The following KDM2A variants were observed in gnomAD, a reference collection of about 807,000 sequenced individuals.
The protein encoded by KDM2A is lysine demethylase 2A.
Under a neutral mutation model 137.3 loss-of-function variants are expected in KDM2A, and 3 were observed. The observed-to-expected ratio is 0.02, with a 90% CI of 0.01 to 0.06. The LOEUF (loss-of-function observed/expected upper bound fraction) is 0.06, where lower values mean the gene tolerates loss of function less well. KDM2A is among the 10% of genes least tolerant of loss of function. The pLI, the probability that KDM2A is intolerant of heterozygous loss-of-function variation, is 1.00. For missense variants in KDM2A, 738 were observed against 1,510.6 expected, an observed-to-expected ratio of 0.49 and a Z score of 8.48; for synonymous variants, 512 against 541.5, an observed-to-expected ratio of 0.95 and a Z score of 0.76.
chr11:67,235,855 C>A (rs892412628), intron 12 of KDM2A, among the ~76,000 whole-genome samples: 3 of 150,596 alleles, frequency 2.0e-5, no homozygotes, highest in Non-Finnish European at 4.4e-5. Context: ...CCTGACCTTG[C>A]GATCCACCTG....
chr11:67,127,535 CT>C (rs1428940198), intron 2 of KDM2A, among the ~76,000 whole-genome samples: 1 of 152,080 alleles, frequency 6.6e-6, no homozygotes, highest in Non-Finnish European at 1.5e-5. Context: ...ATGTTCAATC[CT>C]GTTAACCTGT....
intron 2 of KDM2A, among the ~76,000 whole-genome samples, chr11:67,160,541 G>A (rs916777432): frequency 3.3e-5 from 5 of 152,218 alleles, no homozygotes; most frequent in Admixed American, 3.3e-4. Flanking sequence ...GGAGGCCAAG[G>A]TGGGTGGATC....
intron 2 of KDM2A, among the ~76,000 whole-genome samples, chr11:67,158,164 T>C (rs1856561961): frequency 6.6e-6 from 1 of 152,150 alleles, no homozygotes. Context: ...AGTTTTGCCC[T>C]TTCTAAAATG....
At chr11:67,205,083 A>G (rs1857762213) in intron 5 of KDM2A, among the ~76,000 whole-genome samples, 1 of 152,160 alleles carries the variant, frequency 6.6e-6, no homozygotes, top group Admixed American at 6.6e-5. Context: ...TGCAAATCCA[A>G]TTTCCATAGC....
In KDM2A at chr11:67,257,966, A is replaced by G. The variant is rs1185035754; in HGVS notation, c.*2911A>G. The G allele has an allele frequency of 6.6e-6, 1 of 152,208 alleles. No individual in the cohort carries two copies. Among genetic ancestry groups the G allele is most frequent in the Non-Finnish European group, 1.5e-5 (1 of 68,028 alleles). The allele number at this position is 152,208 out of a possible 1,614,324, so 9.4% of individuals were successfully genotyped here. The stretch of plus-strand genomic sequence containing the variant: ...GAATGGGTGATATTTGTGTAATAAA[A>G]TTTTTAAAAGACAAAAAAAGAAATA... On this transcript the variant is annotated 3_prime_UTR_variant, in exon 21 of 21. Coordinates refer to ENST00000529006, the MANE Select transcript of KDM2A (RefSeq NM_012308.3).
intron 2 of KDM2A, among the ~76,000 whole-genome samples, chr11:67,128,309 C>T (rs780008565): frequency 3.9e-5 from 6 of 151,978 alleles, no homozygotes; most frequent in Admixed American, 1.3e-4. Flanking sequence ...TGAGCCACTG[C>T]GCCTGGACCC....
At chr11:67,217,910 A>T (rs1858219113) in intron 9 of KDM2A, 26 bp downstream of exon 9, 3 of 1,550,008 alleles carry the variant, frequency 1.9e-6, no homozygotes, top group Admixed American at 2.1e-5. Context: ...AGAGTGGGTT[A>T]TTTAGCCATT....
chr11:67,154,811 G>A (rs1482255849), intron 2 of KDM2A, among the ~76,000 whole-genome samples: 1 of 152,140 alleles, frequency 6.6e-6, no homozygotes, highest in Non-Finnish European at 1.5e-5. Flanking sequence ...CTTAGCATAT[G>A]TTCGAGGTTC....
At chr11:67,202,920 A>G (rs1016610873) in intron 5 of KDM2A, among the ~76,000 whole-genome samples, 1 of 151,738 alleles carries the variant, frequency 6.6e-6, no homozygotes, top group Non-Finnish European at 1.5e-5. Flanking sequence ...ACCAGAGTCC[A>G]GGAGTTTGTG....
chr11:67,167,350 A>T (rs1856769552), intron 2 of KDM2A, among the ~76,000 whole-genome samples: 1 of 152,160 alleles, frequency 6.6e-6, no homozygotes, highest in Admixed American at 6.5e-5. Flanking sequence ...ATTATACCTG[A>T]TGGTATGCAG....
chr11:67,163,312 C>T (rs555329473), intron 2 of KDM2A, among the ~76,000 whole-genome samples: 2 of 152,206 alleles, frequency 1.3e-5, no homozygotes, highest in Non-Finnish European at 2.9e-5. Context: ...TGGCAGGATA[C>T]AGTTGTTGAA....
rs561092289 is a variant in KDM2A, at chr11:67,254,492, C to A, written c.3307+74C>A. On this transcript the variant is annotated intron_variant, in intron 20 of 20. Coordinates refer to ENST00000529006, the MANE Select transcript of KDM2A (RefSeq NM_012308.3). The surrounding 1 kb of genome is among the most constrained non-coding windows in gnomAD (Gnocchi z 4.7). ...CCTCCCTGGAACTTGATCAGTAAAC[C>A]AGAATGACCTTGGGTCTGTTGATTG... 1.5e-5 allele frequency: 19 copies of A among 1,291,218 alleles called. No homozygotes were observed. The Admixed American group carries it at 2.9e-4, about 19-fold the overall frequency. The allele number at this position is 1,291,218 out of a possible 1,614,324, so 80.0% of individuals were successfully genotyped here.
intron 2 of KDM2A, among the ~76,000 whole-genome samples, chr11:67,125,760 C>T (rs1855707389): frequency 1.4e-5 from 2 of 144,202 alleles, no homozygotes; most frequent in African/African-American, 5.2e-5. Context: ...GCCTGGGCGA[C>T]AGAGTGAGAC....
Position 67,256,389 on chromosome 11 carries a change from T to C in KDM2A, c.*1334T>C, listed in dbSNP as rs532131911. Reference sequence around the variant, plus strand: ...AAAGAAAGAAAGGTCGGAATTTCTTTTGGGTCAATATTTTTAAGTGTGTGA... The same window carrying C: ...AAAGAAAGAAAGGTCGGAATTTCTTCTGGGTCAATATTTTTAAGTGTGTGA... On this transcript the variant is annotated 3_prime_UTR_variant, in exon 21 of 21. Coordinates refer to ENST00000529006, the MANE Select transcript of KDM2A (RefSeq NM_012308.3). 1 of 152,602 alleles carries C rather than the reference T, an allele frequency of 6.6e-6. No individual in the cohort carries two copies. The highest frequency in any genetic ancestry group is 2.1e-4 in the South Asian group (1 of 4,814). 9.5% of individuals were successfully genotyped at this position (152,602 alleles called of 1,614,324 possible). A position where few individuals can be genotyped will look rare whatever the true frequency, so the allele number is the denominator to read the frequency against.
In KDM2A at chr11:67,127,788, A is replaced by G. The variant is rs137900530; in HGVS notation, c.42+6430A>G. Among the ~76,000 whole-genome samples, 197 of 150,202 alleles carry G rather than the reference A, an allele frequency of 1.3e-3. 4 individuals carry two copies. The highest frequency in any genetic ancestry group is 4.5e-3 in the African/African-American group (182 of 40,816). Reference sequence around the variant, plus strand: ...TATGACGCAATCTGGGCTCACCGCAACCTCCCTCTCCTGGGTTCAAGCGAT... The same window carrying G: ...TATGACGCAATCTGGGCTCACCGCAGCCTCCCTCTCCTGGGTTCAAGCGAT... On this transcript the variant is annotated intron_variant, in intron 2 of 20. Transcript: ENST00000529006.
intron 2 of KDM2A, among the ~76,000 whole-genome samples, chr11:67,128,208 G>A (rs761732374): frequency 1.3e-5 from 2 of 151,502 alleles, no homozygotes; most frequent in African/African-American, 4.9e-5. Flanking sequence ...TCACTGTGTT[G>A]TCCAGGCTGG....
chr11:67,225,126 C>G (rs527261745), intron 10 of KDM2A, among the ~76,000 whole-genome samples: 5 of 152,232 alleles, frequency 3.3e-5, no homozygotes, highest in South Asian at 2.1e-4. Context: ...TCACGCCCGG[C>G]GGCTGCAGCA....
At chr11:67,157,982 T>A (rs1856555897) in intron 2 of KDM2A, among the ~76,000 whole-genome samples, 1 of 152,262 alleles carries the variant, frequency 6.6e-6, no homozygotes, top group South Asian at 2.1e-4. Context: ...TGTTTATAGT[T>A]TAAATTAGGT....
At chr11:67,237,629 G>A (rs777919096) in intron 12 of KDM2A, among the ~76,000 whole-genome samples, 49 of 151,876 alleles carry the variant, frequency 3.2e-4, no homozygotes, top group Non-Finnish European at 6.6e-4. Context: ...TTTGTCCTGG[G>A]TCCAGGCTTA....
Sources: allele counts gnomAD v4.1 joint callset (sites outside exome capture counted in the v4.1 genomes callset), GRCh38; gene constraint gnomAD v4.1.1; non-coding constraint Gnocchi (gnomAD v3.1); transcripts MANE v1.5; gene names NCBI Gene and HGNC (gene_info 2026-07-23, HGNC 2026-07-21).